The following IQCH variants were observed in gnomAD, a reference collection of about 807,000 sequenced individuals.
IQCH encodes IQ domain-containing protein H.
Under a neutral mutation model 117.0 loss-of-function variants are expected in IQCH, and 98 were observed. The ratio of observed to expected loss-of-function variants is 0.84; its 90% CI spans 0.71 to 0.99. IQCH has a LOEUF of 0.99. IQCH is among the 50% of genes least tolerant of loss of function. IQCH has a pLI of 0.00. For missense variants in IQCH, 1,102 were observed against 1,243.8 expected (o/e 0.89, Z 1.72); for synonymous variants, 412 against 448.2 (o/e 0.92, Z 1.02).
chr15:67,497,737 G>T (rs1050642559), intron 20 of IQCH, among the ~76,000 whole-genome samples: 1 of 152,092 alleles, frequency 6.6e-6, no homozygotes, highest in East Asian at 1.9e-4. Context: ...TGATCCGCCC[G>T]CCTCGGCCTC....
rs77142593 is a variant in IQCH at position 67,459,441 on chromosome 15, G to A, written c.2506-5686G>A. ...CCTGAGCACATCTGCCCACATCTGC[G>A]TGCTCTGCCACCCATTCATCCCGCC... On this transcript the variant is annotated intron_variant, in intron 16 of 20. Transcript: ENST00000335894. This position sits in a 1 kb window ranked among gnomAD's most constrained non-coding sequence, Gnocchi z 4.2. Among the ~76,000 whole-genome samples the A allele has an allele frequency of 0.011, 1,650 of 152,244 alleles. 35 individuals carry two copies. Among genetic ancestry groups the A allele is most frequent in the African/African-American group, 0.038 (1,599 of 41,534 alleles).
intron 16 of IQCH, among the ~76,000 whole-genome samples, chr15:67,437,659 G>A (rs1344189312): frequency 1.3e-5 from 2 of 152,094 alleles, no homozygotes; most frequent in East Asian, 1.9e-4. Context: ...AATGATACAA[G>A]AAATGAAGGG....
chr15:67,303,526 A>G (rs1166615026), intron 4 of IQCH, among the ~76,000 whole-genome samples: 1 of 152,312 alleles, frequency 6.6e-6, no homozygotes, highest in East Asian at 1.9e-4. Flanking sequence ...CTCAAATCAT[A>G]GAATCCCAAA....
chr15:67,476,955 G>A lies in IQCH; in HGVS notation c.2799+1137G>A, dbSNP rs947317905. 6.7e-6 allele frequency among the ~76,000 whole-genome samples: 1 copy of A among 150,050 alleles called. No individual in the cohort carries two copies. Among genetic ancestry groups the A allele is most frequent in the Non-Finnish European group, 1.5e-5 (1 of 67,656 alleles). On this transcript the variant is annotated intron_variant, in intron 18 of 20. Transcript: ENST00000335894. The surrounding 1 kb of genome is among the most constrained non-coding windows in gnomAD (Gnocchi z 4.1). ...AGATGTTTTGATTTGTAGATATTCA[G>A]TTCTACATTTATTAACTTATATTCT...
At position 67,403,081 on chromosome 15, in the gene IQCH, CTA is replaced by C. The variant is rs1971732545; in HGVS notation, c.2097+2777_2097+2778del. Among the ~76,000 whole-genome samples, 1 of 152,082 alleles carries C rather than the reference CTA, an allele frequency of 6.6e-6. No homozygotes were observed. Among genetic ancestry groups the C allele is most frequent in the Non-Finnish European group, 1.5e-5 (1 of 68,006 alleles). ...TGGCCAACATAGTGAAACCTCGTCT[CTA>C]CTAAAAATACAAAAAAATTAGTCGG... On this transcript the variant is annotated intron_variant, in intron 14 of 20. Transcript: ENST00000335894. This position sits in a 1 kb window ranked among gnomAD's most constrained non-coding sequence, Gnocchi z 4.8.
In IQCH at chr15:67,385,573, T is replaced by G. The variant is rs1292210658; in HGVS notation, c.1456+554T>G. On this transcript the variant is annotated intron_variant, in intron 11 of 20. Transcript: ENST00000335894. The surrounding 1 kb of genome is among the most constrained non-coding windows in gnomAD (Gnocchi z 4.6). Reference sequence around the variant, plus strand: ...CCTTGATTCAGTGATGTATACATCTTTGTAAAAGTCAGGTTCTGATACTGG... The same window carrying G: ...CCTTGATTCAGTGATGTATACATCTGTGTAAAAGTCAGGTTCTGATACTGG... Among the ~76,000 whole-genome samples, 5 of 152,178 alleles carry G rather than the reference T, an allele frequency of 3.3e-5. No homozygotes were observed. The highest frequency in any genetic ancestry group is 7.4e-5 in the Non-Finnish European group (5 of 68,026).
chr15:67,400,384 G>C, intron 14 of IQCH, 79 bp downstream of exon 14: 1 of 1,044,026 alleles, frequency 9.6e-7, no homozygotes, highest in Non-Finnish European at 1.5e-6. Flanking sequence ...GCTAAGAGAT[G>C]AAAGTACTTT....
chr15:67,374,747 CT>C (rs1226974980), intron 10 of IQCH, among the ~76,000 whole-genome samples: 8 of 152,144 alleles, frequency 5.3e-5, no homozygotes, highest in African/African-American at 1.9e-4. Context: ...GATGAGACTA[CT>C]TTTACACACA....
intron 4 of IQCH, among the ~76,000 whole-genome samples, chr15:67,300,120 ATTAC>A (rs1258110286): frequency 6.6e-6 from 1 of 152,086 alleles, no homozygotes; most frequent in Admixed American, 6.6e-5. Context: ...ACCAGTTTTA[ATTAC>A]TTACTTTTGC....
chr15:67,307,580 A>G (rs1967365591), intron 4 of IQCH, among the ~76,000 whole-genome samples: 1 of 152,146 alleles, frequency 6.6e-6, no homozygotes, highest in Non-Finnish European at 1.5e-5. Flanking sequence ...GCCCATGCAT[A>G]TGGCCACAAT....
rs1033646515 is a variant in IQCH at position 67,496,655 on chromosome 15, G to C, written c.2970+2289G>C. On this transcript the variant is annotated intron_variant, in intron 20 of 20. Transcript: ENST00000335894. The surrounding 1 kb of genome is among the most constrained non-coding windows in gnomAD (Gnocchi z 4.4). The stretch of plus-strand genomic sequence containing the variant: ...CACTCAGGAGTTTGAGACCAGCCTG[G>C]GCAACATAGCAAGACCTCATCTCTA... Among the ~76,000 whole-genome samples, 2 of 152,136 alleles carry C rather than the reference G, an allele frequency of 1.3e-5. No individual in the cohort carries two copies. The highest frequency in any genetic ancestry group is 1.3e-4 in the Admixed American group (2 of 15,292).
intron 1 of IQCH, among the ~76,000 whole-genome samples, chr15:67,259,568 C>T (rs1314715381): frequency 1.3e-5 from 2 of 152,176 alleles, no homozygotes; most frequent in Non-Finnish European, 2.9e-5. Flanking sequence ...ATATCATTGT[C>T]CACACAAGGC....
At position 67,275,994 on chromosome 15, in the gene IQCH, A is replaced by T. The variant is rs566256998; in HGVS notation, c.270-3401A>T. Among the ~76,000 whole-genome samples, 12 of 152,370 alleles carry T rather than the reference A, an allele frequency of 7.9e-5. 1 individual carries two copies. In the South Asian group the frequency reaches 2.3e-3, roughly 29 times the overall value. ...TATGTTCATTTTAGCATTGTATTTA[A>T]TAGCAATAACTTTGGATATACCTTA... On this transcript the variant is annotated intron_variant, in intron 3 of 20. Transcript: ENST00000335894.
At chr15:67,402,515 C>A (rs1188284091) in intron 14 of IQCH, among the ~76,000 whole-genome samples, 1 of 152,284 alleles carries the variant, frequency 6.6e-6, no homozygotes, top group African/African-American at 2.4e-5. Context: ...GACATCAAAG[C>A]ATTACTTTAC....
chr15:67,304,758 A>G lies in IQCH; in HGVS notation c.387+25246A>G, dbSNP rs1174138604. ...TTACCAGCAAAAAGAATTAATAGAG[A>G]AATTTTAAATATTGTATTTCTTTGA... On this transcript the variant is annotated intron_variant, in intron 4 of 20. Coordinates refer to ENST00000335894, the MANE Select transcript of IQCH (RefSeq NM_001031715.3). Among the ~76,000 whole-genome samples, 3 of 152,234 alleles carry G rather than the reference A, an allele frequency of 2.0e-5. No individual in the cohort carries two copies. The East Asian group carries it at 5.8e-4, about 29-fold the overall frequency.
chr15:67,452,827 C>G (rs1402444566), intron 16 of IQCH, among the ~76,000 whole-genome samples: 1 of 152,186 alleles, frequency 6.6e-6, no homozygotes, highest in Non-Finnish European at 1.5e-5. Context: ...TGTTTTCCAA[C>G]TTGGTTCCAT....
chr15:67,407,143 A>G lies in IQCH; in HGVS notation c.2097+6838A>G, dbSNP rs1475389750. On this transcript the variant is annotated intron_variant, in intron 14 of 20. Coordinates refer to ENST00000335894, the MANE Select transcript of IQCH (RefSeq NM_001031715.3). The surrounding 1 kb of genome is among the most constrained non-coding windows in gnomAD (Gnocchi z 5.3). ...TGTTCCCAGCCTATGCTTTACCCAG[A>G]CAGTGCCTTGGAAAGAATAAGTCTT... 1 of 152,224 alleles carries G rather than the reference A, an allele frequency of 6.6e-6. No individual in the cohort carries two copies. Among genetic ancestry groups the G allele is most frequent in the Non-Finnish European group, 1.5e-5 (1 of 68,042 alleles). The allele number at this position is 152,224 out of a possible 1,614,324, so 9.4% of individuals were successfully genotyped here. A position where few individuals can be genotyped will look rare whatever the true frequency, so the allele number is the denominator to read the frequency against.
rs1220722440 is a variant in IQCH at position 67,387,816 on chromosome 15, G to C, written c.1457-1015G>C. Among the ~76,000 whole-genome samples the C allele has an allele frequency of 6.6e-6, 1 of 152,142 alleles. No homozygotes were observed. Among genetic ancestry groups the C allele is most frequent in the Non-Finnish European group, 1.5e-5 (1 of 68,012 alleles). On this transcript the variant is annotated intron_variant, in intron 11 of 20. Transcript: ENST00000335894. This position sits in a 1 kb window ranked among gnomAD's most constrained non-coding sequence, Gnocchi z 4.8. ...AATGCTTAGAAAGGTTAAATAACTAGAATTTAATTCAGTCTATGCTCTGTA... is the reference window on the plus strand; with the variant it reads ...AATGCTTAGAAAGGTTAAATAACTACAATTTAATTCAGTCTATGCTCTGTA...
Position 67,282,365 on chromosome 15 carries a change from A to C in IQCH, c.387+2853A>C, listed in dbSNP as rs1329523306. 9 of 150,384 alleles carry C rather than the reference A, an allele frequency of 6.0e-5. No homozygotes were observed. In the East Asian group the frequency reaches 1.6e-3, roughly 26 times the overall value. 9.3% of individuals were successfully genotyped at this position (150,384 alleles called of 1,614,324 possible). ...TATTATTGTTCTGGGAAAAAAAAAA[A>C]CAACTATGGCCAGAAATTTATTTGC... is the stretch of plus-strand genomic sequence containing the variant. On this transcript the variant is annotated intron_variant, in intron 4 of 20. Transcript: ENST00000335894.
Sources: gnomAD v4.1 joint callset for allele counts (sites outside exome capture counted in the v4.1 genomes callset) on GRCh38, gnomAD v4.1.1 for gene constraint, Gnocchi (gnomAD v3.1) non-coding constraint, MANE v1.5 for transcripts, NCBI Gene and HGNC (gene_info 2026-07-23, HGNC 2026-07-21) for gene names.